Variants in SCARA5 observed in about 807,000 individuals in gnomAD.
SCARA5 encodes scavenger receptor class A member 5.
SCARA5 carries 45 observed loss-of-function variants against 46.3 expected under a neutral mutation model. The ratio of observed to expected loss-of-function variants is 0.97; its 90% CI spans 0.76 to 1.24. The LOEUF is 1.24. Among genes scored for constraint, SCARA5 ranks in the 50% most tolerant of loss-of-function variants. SCARA5 has a pLI of 0.00. For missense variants in SCARA5, 680 were observed against 689.0 expected, an observed-to-expected ratio of 0.99 and a Z score of 0.15; for synonymous variants, 333 against 306.5, an observed-to-expected ratio of 1.09 and a Z score of -0.90.
chr8:27,934,724 T>A (rs1376901645), intron 3 of SCARA5, among the ~76,000 whole-genome samples: 1 of 152,190 alleles, frequency 6.6e-6, no homozygotes, highest in Non-Finnish European at 1.5e-5. Flanking sequence ...AGTGGAGCAG[T>A]GGCATGAACC....
rs150357094 is a variant in SCARA5, at chr8:27,961,288, A to T, written c.241+5126T>A. 4.8e-3 allele frequency among the ~76,000 whole-genome samples: 731 copies of T among 152,264 alleles called. 22 individuals carry two copies. In the East Asian group the frequency reaches 0.053, roughly 11 times the overall value. On this transcript the variant is annotated intron_variant, in intron 3 of 8. Coordinates refer to ENST00000354914, the MANE Select transcript of SCARA5 (RefSeq NM_173833.6). ...GGCATCCCCCTCATGGTAATGAGTG[A>T]GTTCTTGCTCCATTAGTTCACATGA...
intron 2 of SCARA5, among the ~76,000 whole-genome samples, chr8:27,977,307 A>G (rs1190274847): frequency 6.6e-6 from 1 of 151,970 alleles, no homozygotes; most frequent in Non-Finnish European, 1.5e-5. Context: ...ACCCACAGAA[A>G]ACCCAGGACT....
chr8:27,958,961 G>A lies in SCARA5; in HGVS notation c.241+7453C>T, dbSNP rs189180610. On this transcript the variant is annotated intron_variant, in intron 3 of 8. Transcript: ENST00000354914. ...GAAAGTCTCATGAGAGGTCAGGCGC[G>A]GTGGCTCATGCCTGCAATCCCAGCA... 4.6e-5 allele frequency among the ~76,000 whole-genome samples: 7 copies of A among 152,224 alleles called. No homozygotes were observed. In the East Asian group the frequency reaches 1.2e-3, roughly 25 times the overall value.
At position 27,922,181 on chromosome 8, in the gene SCARA5, A is replaced by G; in HGVS notation, c.306T>C (p.Asn102=). The G allele has an allele frequency of 1.2e-6, 2 of 1,606,088 alleles. No individual in the cohort carries two copies. Among genetic ancestry groups the G allele is most frequent in the Non-Finnish European group, 1.7e-6 (2 of 1,177,020 alleles). Residue 102 remains asparagine, a synonymous_variant, in exon 4 of 9, where the codon AAT becomes AAC. Transcript: ENST00000354914. ...GCAGCTGCAAGTCCCGGAAGCTCTC[A>G]TTCAGCCGGTTCACATTGCGAGTCA... ...KALTRNVNRL[N]ESFRDLQLRL... is the part of the protein sequence containing the mutation.
chr8:27,905,523 T>TGGCGCGG (rs751627046), intron 6 of SCARA5, among the ~76,000 whole-genome samples: 1 of 53,638 alleles, frequency 1.9e-5, no homozygotes, highest in South Asian at 6.3e-4. Context: ...ATCCAAGATT[T>TGGCGCGG]GGGGGGGGGA....
At chr8:27,979,090 C>T (rs1057421653) in intron 2 of SCARA5, among the ~76,000 whole-genome samples, 5 of 152,188 alleles carry the variant, frequency 3.3e-5, no homozygotes, top group Non-Finnish European at 5.9e-5. Context: ...CGCCCCTATG[C>T]CAATGGGGCT....
In SCARA5 at chr8:27,916,764, G is replaced by A. The variant is rs544382801; in HGVS notation, c.916+4807C>T. On this transcript the variant is annotated intron_variant, in intron 4 of 8. Coordinates refer to ENST00000354914, the MANE Select transcript of SCARA5 (RefSeq NM_173833.6). ...GGCAGGAAAGACCCTAGATGCAGTG[G>A]TGATAATGAGAGCTGGAGGCCCAAG... Among the ~76,000 whole-genome samples, 108 of 152,320 alleles carry A rather than the reference G, an allele frequency of 7.1e-4. 2 individuals carry two copies. The highest frequency in any genetic ancestry group is 2.4e-3 in the African/African-American group (99 of 41,568).
rs773110333 is a variant in SCARA5, at chr8:27,921,814, C to T, written c.673G>A (p.Gly225Ser). 9.0e-6 allele frequency: 14 copies of T among 1,551,318 alleles called. No individual in the cohort carries two copies. The highest frequency in any genetic ancestry group is 1.8e-4 in the Middle Eastern group (1 of 5,626). ...ILGEELADVG[G>S]VLRGLNHSLS... ...CTGTGGTTGAGGCCGCGCAGCACGC[C>T]GCCCACGTCGGCCAGCTCCTCGCCC... The change falls in exon 4 of 9, where the codon GGC becomes AGC. Residue 225 changes from glycine to serine, a missense_variant. Physicochemically the swap from Gly to Ser is moderately conservative, Grantham distance 56. Around this residue, in one of 3 missense-constraint regions of SCARA5, gnomAD observed 438 missense variants for 384.5 expected, o/e 1.14. Transcript: ENST00000354914.
At chr8:27,954,801 T>C (rs996110924) in intron 3 of SCARA5, among the ~76,000 whole-genome samples, 2 of 152,260 alleles carry the variant, frequency 1.3e-5, no homozygotes, top group African/African-American at 4.8e-5. Flanking sequence ...ATGTGCTAAA[T>C]GGCCGCAGCC....
intron 4 of SCARA5, among the ~76,000 whole-genome samples, chr8:27,916,723 G>A (rs1450975851): frequency 2.6e-5 from 4 of 152,150 alleles, no homozygotes; most frequent in African/African-American, 9.7e-5. Flanking sequence ...CAGGCACCTG[G>A]CAACAGAGAC....
chr8:27,928,978 A>G (rs1479693570), intron 3 of SCARA5, among the ~76,000 whole-genome samples: 2 of 152,120 alleles, frequency 1.3e-5, no homozygotes. Context: ...ATGGTCAGAG[A>G]CACTCCTATA....
chr8:27,881,625 C>T (rs921173246), intron 7 of SCARA5, among the ~76,000 whole-genome samples: 2 of 152,090 alleles, frequency 1.3e-5, no homozygotes, highest in Non-Finnish European at 2.9e-5. Context: ...TTCAGCATCA[C>T]GCAATATACC....
intron 4 of SCARA5, among the ~76,000 whole-genome samples, chr8:27,916,193 C>A (rs1807457552): frequency 6.6e-6 from 1 of 152,152 alleles, no homozygotes. Context: ...TTGGGTCAAG[C>A]TCAGGAATAA....
intron 1 of SCARA5, among the ~76,000 whole-genome samples, 187 bp from the exon 2 acceptor site, chr8:27,987,817 T>C (rs1284815117): frequency 6.6e-6 from 1 of 152,198 alleles, no homozygotes; most frequent in Non-Finnish European, 1.5e-5. Context: ...CTTGGGGCCG[T>C]GATGCCCCCA....
chr8:27,901,370 C>T (rs190535989), intron 7 of SCARA5, among the ~76,000 whole-genome samples: 9 of 152,112 alleles, frequency 5.9e-5, no homozygotes, highest in African/African-American at 1.7e-4. Flanking sequence ...TCTTCCCGCA[C>T]GATGTTGGCT....
intron 4 of SCARA5, chr8:27,910,120 C>A: frequency 5.6e-6 from 1 of 178,026 alleles, no homozygotes; most frequent in Non-Finnish European, 1.2e-5. Context: ...CGGGGGTCAG[C>A]CCACATGGGG....
intron 8 of SCARA5, among the ~76,000 whole-genome samples, chr8:27,872,652 A>G (rs1806658702): frequency 6.6e-6 from 1 of 152,222 alleles, no homozygotes; most frequent in African/African-American, 2.4e-5. Flanking sequence ...CTCTTACACA[A>G]TAAGCCCTTT....
intron 4 of SCARA5, among the ~76,000 whole-genome samples, chr8:27,916,778 T>C (rs561197743): frequency 6.6e-6 from 1 of 152,304 alleles, no homozygotes; most frequent in East Asian, 1.9e-4. Flanking sequence ...TAATGAGAGC[T>C]GGAGGCCCAA....
intron 7 of SCARA5, among the ~76,000 whole-genome samples, chr8:27,893,383 C>T (rs7823475): frequency 0.025 from 3,866 of 152,298 alleles, 151 homozygotes; most frequent in African/African-American, 0.088. Flanking sequence ...GCTCCTAGTG[C>T]AGACCTTAGA....
Sources: allele counts gnomAD v4.1 joint callset (sites outside exome capture counted in the v4.1 genomes callset), GRCh38; gene constraint gnomAD v4.1.1; regional missense constraint gnomAD v4.1.1; transcripts MANE v1.5; gene names NCBI Gene and HGNC (gene_info 2026-07-23, HGNC 2026-07-21).